CAMTA1: variants seen among roughly 807,000 people sequenced by gnomAD.
CAMTA1 encodes the protein calmodulin binding transcription activator 1, also known as calmodulin-binding transcription activator 1.
A neutral mutation model predicts 170.9 loss-of-function variants in CAMTA1; 27 were observed. The observed-to-expected ratio is 0.16, with a 90% CI of 0.12 to 0.22. The LOEUF (loss-of-function observed/expected upper bound fraction) is 0.22. Ranked by LOEUF, CAMTA1 falls within the 10% of genes least tolerant of loss-of-function variation. The pLI is 1.00. For missense variants in CAMTA1, 1,619 were observed against 2,217.2 expected (o/e 0.73, Z 5.42); for synonymous variants, 833 against 891.5 (o/e 0.93, Z 1.17).
intron 6 of CAMTA1, among the ~76,000 whole-genome samples, chr1:7,477,887 G>T (rs978888722): frequency 3.3e-5 from 5 of 152,172 alleles, no homozygotes; most frequent in African/African-American, 1.2e-4. Flanking sequence ...GAGACCTCGG[G>T]GCATCAGGAA....
chr1:6,792,681 T>TC (rs2148059944), intron 1 of CAMTA1, among the ~76,000 whole-genome samples: 1 of 152,302 alleles, frequency 6.6e-6, no homozygotes, highest in East Asian at 1.9e-4. Context: ...AACCTCAGTG[T>TC]TTGGCTCTAT....
At chr1:7,577,701 A>G (rs1285868641) in intron 6 of CAMTA1, among the ~76,000 whole-genome samples, 1 of 152,140 alleles carries the variant, frequency 6.6e-6, no homozygotes. Context: ...AGCAATGGTC[A>G]GCCAATTTTT....
At position 7,688,146 on chromosome 1, in the gene CAMTA1, T is replaced by C. The variant is rs895863230; in HGVS notation, c.2914+10413T>C. Among the ~76,000 whole-genome samples, 11 of 151,174 alleles carry C rather than the reference T, an allele frequency of 7.3e-5. 1 individual carries two copies. Among genetic ancestry groups the C allele is most frequent in the African/African-American group, 2.4e-4 (10 of 41,182 alleles). On this transcript the variant is annotated intron_variant, in intron 11 of 22. Transcript: ENST00000303635. ...GCCTCAGCCTCCCAAGTAGTTGGGA[T>C]TACAGGTGTGCACCACCACACCCAG...
intron 7 of CAMTA1, among the ~76,000 whole-genome samples, chr1:7,646,426 G>A (rs1429864587): frequency 6.8e-6 from 1 of 148,086 alleles, no homozygotes; most frequent in Non-Finnish European, 1.5e-5. Flanking sequence ...GCCCTGGTGA[G>A]TGTGACTGGA....
chr1:7,272,643 A>G (rs2149409436), intron 5 of CAMTA1, among the ~76,000 whole-genome samples: 1 of 143,334 alleles, frequency 7.0e-6, no homozygotes, highest in East Asian at 2.4e-4. Flanking sequence ...TTTAATCATG[A>G]TAGAATAGTC....
chr1:7,502,178 G>A (rs927363156), intron 6 of CAMTA1, among the ~76,000 whole-genome samples: 3 of 152,190 alleles, frequency 2.0e-5, no homozygotes, highest in African/African-American at 7.2e-5. Context: ...GGGCTTACAG[G>A]GTGGTCTCCA....
intron 1 of CAMTA1, among the ~76,000 whole-genome samples, chr1:6,814,344 C>T (rs1410829932): frequency 1.3e-5 from 2 of 152,172 alleles, no homozygotes; most frequent in Non-Finnish European, 2.9e-5. Context: ...TTTCCAGTCC[C>T]CCTTGGAATC....
chr1:6,873,489 A>G lies in CAMTA1; in HGVS notation c.234+48279A>G, dbSNP rs189960765. ...GCAGCCCCAAACCGGCTGACCCCTG[A>G]GGGATGAGCTGGTTGATGGTCCCCA... On this transcript the variant is annotated intron_variant, in intron 3 of 22. Coordinates refer to ENST00000303635, the MANE Select transcript of CAMTA1 (RefSeq NM_015215.4). 1.9e-3 allele frequency among the ~76,000 whole-genome samples: 295 copies of G among 152,242 alleles called. 1 individual carries two copies. The highest frequency in any genetic ancestry group is 6.8e-3 in the African/African-American group (284 of 41,530).
At position 7,663,968 on chromosome 1, in the gene CAMTA1, G is replaced by C. The variant is rs145242440; in HGVS notation, c.1421G>C (p.Arg474Pro). Residue 474 changes from arginine (R) to proline (P), a missense_variant, in exon 9 of 23, where the codon CGG (arginine) becomes CCG (proline). Arg to Pro is a moderately radical substitution (Grantham distance 103). This residue lies in a region of CAMTA1 where 731 missense variants were observed against 907.6 expected (regional missense o/e 0.81). Coordinates refer to ENST00000303635, the MANE Select transcript of CAMTA1 (RefSeq NM_015215.4). The part of the protein sequence containing the change: ...LVLSTTLDGG[R>P]KIPETTMNFD... The stretch of plus-strand genomic sequence containing the variant: ...CTCTCCACCACCCTCGACGGTGGCC[G>C]GAAGATTCCAGAAACCACCATGAAC... The C allele has an allele frequency of 4.0e-5, 64 of 1,613,670 alleles. No homozygotes were observed. Among genetic ancestry groups the C allele is most frequent in the Non-Finnish European group, 5.3e-5 (62 of 1,180,044 alleles).
chr1:7,552,589 G>A (rs113906137), intron 6 of CAMTA1, among the ~76,000 whole-genome samples: 5,164 of 152,336 alleles, frequency 0.034, 279 homozygotes, highest in African/African-American at 0.12. Flanking sequence ...GCTTCAGGCC[G>A]CAGCCACTGT....
intron 5 of CAMTA1, among the ~76,000 whole-genome samples, chr1:7,410,947 ATGTGTGTATGTCTG>A: frequency 6.7e-6 from 1 of 149,354 alleles, no homozygotes; most frequent in East Asian, 2.0e-4. Flanking sequence ...ATGTGTGTAT[ATGTGTGTATGTCTG>A]TGTGTGTATG....
At chr1:6,845,862 T>G (rs1414062642) in intron 3 of CAMTA1, among the ~76,000 whole-genome samples, 1 of 152,214 alleles carries the variant, frequency 6.6e-6, no homozygotes, top group African/African-American at 2.4e-5. Flanking sequence ...AGTAAAGACA[T>G]ACCTGAGACT....
chr1:6,791,638 C>G (rs1224816531), intron 1 of CAMTA1, among the ~76,000 whole-genome samples: 1 of 152,116 alleles, frequency 6.6e-6, no homozygotes, highest in South Asian at 2.1e-4. Flanking sequence ...ATAGTACTGC[C>G]TTTAGTTTTT....
intron 5 of CAMTA1, among the ~76,000 whole-genome samples, chr1:7,362,868 T>G (rs749599282): frequency 6.8e-6 from 1 of 146,452 alleles, no homozygotes; most frequent in Non-Finnish European, 1.5e-5. Context: ...AGTGAGTGGA[T>G]TTGGGTAGAG....
chr1:7,353,393 A>G (rs1054551337), intron 5 of CAMTA1, among the ~76,000 whole-genome samples: 1 of 149,664 alleles, frequency 6.7e-6, no homozygotes, highest in Admixed American at 6.7e-5. Flanking sequence ...CAAACTTAAT[A>G]CAACCAAATC....
intron 11 of CAMTA1, among the ~76,000 whole-genome samples, chr1:7,728,409 G>A (rs1450203465): frequency 1.3e-5 from 2 of 152,224 alleles, no homozygotes; most frequent in South Asian, 2.1e-4. Context: ...GAGCACCTTT[G>A]GTGCTTTTCT....
chr1:7,191,559 A>T (rs1225512907), intron 4 of CAMTA1, among the ~76,000 whole-genome samples: 1 of 152,238 alleles, frequency 6.6e-6, no homozygotes, highest in Non-Finnish European at 1.5e-5. Context: ...TAAGTGCATC[A>T]TTTTGTTAAA....
At position 7,050,804 on chromosome 1, in the gene CAMTA1, C is replaced by T. The variant is rs1040968047; in HGVS notation, c.235-40500C>T. ...CTAGTCCTTGTCAGGGTGAGGCAGGCGGAGAAGAGGGGACTCTGGGAAGGA... is the reference window on the plus strand; with the variant it reads ...CTAGTCCTTGTCAGGGTGAGGCAGGTGGAGAAGAGGGGACTCTGGGAAGGA... On this transcript the variant is annotated intron_variant, in intron 3 of 22. Transcript: ENST00000303635. The surrounding 1 kb of genome is among the most constrained non-coding windows in gnomAD (Gnocchi z 4.8). Among the ~76,000 whole-genome samples the T allele has an allele frequency of 6.6e-6, 1 of 151,984 alleles. No homozygotes were observed. The highest frequency in any genetic ancestry group is 1.5e-5 in the Non-Finnish European group (1 of 67,982).
At chr1:7,294,474 G>A (rs531308026) in intron 5 of CAMTA1, among the ~76,000 whole-genome samples, 10 of 152,302 alleles carry the variant, frequency 6.6e-5, no homozygotes, top group East Asian at 1.9e-4. Flanking sequence ...AGCAGTGTGC[G>A]GGGGACAGGT....
Sources: allele counts gnomAD v4.1 joint callset (sites outside exome capture counted in the v4.1 genomes callset), GRCh38; gene constraint gnomAD v4.1.1; regional missense constraint gnomAD v4.1.1; non-coding constraint Gnocchi (gnomAD v3.1); transcripts MANE v1.5; gene names NCBI Gene and HGNC (gene_info 2026-07-23, HGNC 2026-07-21).